EYS: variants seen among roughly 807,000 people sequenced by gnomAD.
The protein encoded by EYS is EGF-like photoreceptor maintenance factor.
A neutral mutation model predicts 282.1 loss-of-function variants in EYS; 250 were observed. The observed-to-expected ratio is 0.89, with a 90% CI of 0.80 to 0.98. The LOEUF is 0.98. EYS is among the 50% of genes least tolerant of loss of function. EYS has a pLI of 0.00. For synonymous variants in EYS, 1,355 were observed against 1,282.9 expected, an observed-to-expected ratio of 1.06 and a Z score of -1.20; for missense variants, 4,016 against 3,709.0, an observed-to-expected ratio of 1.08 and a Z score of -2.15.
rs190676220 is a variant in EYS, at chr6:65,408,129, G to T, written c.863-2762C>A. Among the ~76,000 whole-genome samples the T allele has an allele frequency of 1.2e-4, 18 of 151,890 alleles. No individual in the cohort carries two copies. In the East Asian group the frequency reaches 3.3e-3, roughly 28 times the overall value. Reference sequence around the variant, plus strand: ...GATATCAAACTTATCTTGAATCCTGGGGAAAAAATCGTACTTTATCAGGAT... The same window carrying T: ...GATATCAAACTTATCTTGAATCCTGTGGAAAAAATCGTACTTTATCAGGAT... On this transcript the variant is annotated intron_variant, in intron 5 of 42. Coordinates refer to ENST00000503581, the MANE Select transcript of EYS (RefSeq NM_001142800.2).
intron 13 of EYS, among the ~76,000 whole-genome samples, chr6:65,046,596 A>G (rs550893469): frequency 6.6e-6 from 1 of 151,930 alleles, no homozygotes; most frequent in Non-Finnish European, 1.5e-5. Flanking sequence ...GATTCCAAGA[A>G]TAATTTTTGA....
intron 13 of EYS, among the ~76,000 whole-genome samples, chr6:65,056,745 T>C (rs1303334363): frequency 3.3e-5 from 5 of 152,158 alleles, no homozygotes; most frequent in Admixed American, 3.3e-4. Flanking sequence ...ACATATTTGT[T>C]AGAACATTGT....
Position 64,513,824 on chromosome 6 carries a change from C to T in EYS, c.5645-74472G>A, listed in dbSNP as rs1035224706. On this transcript the variant is annotated intron_variant, in intron 26 of 42. Transcript: ENST00000503581. ...GAAGAAAAATTATAATTGTCAATGG[C>T]GGCCCAATCTTGTGGAACTTTAGAT... 6.6e-5 allele frequency among the ~76,000 whole-genome samples: 10 copies of T among 151,792 alleles called. 1 individual carries two copies. Among genetic ancestry groups the T allele is most frequent in the South Asian group, 4.2e-4 (2 of 4,818 alleles).
At chr6:63,825,047 C>T (rs940965775) in intron 36 of EYS, among the ~76,000 whole-genome samples, 19 of 152,126 alleles carry the variant, frequency 1.2e-4, no homozygotes, top group Non-Finnish European at 8.8e-5. Context: ...GGAATAGACT[C>T]GGGGCTGTTG....
chr6:65,188,764 CAA>C (rs777137794), intron 12 of EYS, among the ~76,000 whole-genome samples: 21 of 78,736 alleles, frequency 2.7e-4, no homozygotes, highest in Non-Finnish European at 3.3e-4. Context: ...TTATTGCATG[CAA>C]AAAAAAAAAA....
chr6:64,575,897 T>C (rs1243001968), intron 26 of EYS, among the ~76,000 whole-genome samples: 1 of 152,090 alleles, frequency 6.6e-6, no homozygotes, highest in Non-Finnish European at 1.5e-5. Context: ...GTGACAGCAA[T>C]TTATATAGAT....
intron 26 of EYS, among the ~76,000 whole-genome samples, chr6:64,563,526 A>G (rs752630980): frequency 4.6e-5 from 7 of 152,134 alleles, no homozygotes; most frequent in Non-Finnish European, 8.8e-5. Context: ...CACAGAGGGT[A>G]CTCATTATGT....
intron 5 of EYS, among the ~76,000 whole-genome samples, chr6:65,461,297 T>G (rs1764819136): frequency 6.6e-6 from 1 of 152,126 alleles, no homozygotes; most frequent in African/African-American, 2.4e-5. Flanking sequence ...TTTTTAGCAC[T>G]TTAGAGCCTA....
chr6:64,533,866 A>C (rs1764431449), intron 26 of EYS, among the ~76,000 whole-genome samples: 1 of 151,852 alleles, frequency 6.6e-6, no homozygotes, highest in Admixed American at 6.6e-5. Context: ...ACATAATTTT[A>C]AAGATGGTTG....
chr6:65,034,597 A>T (rs116088854), intron 13 of EYS, among the ~76,000 whole-genome samples: 1 of 152,100 alleles, frequency 6.6e-6, no homozygotes, highest in African/African-American at 2.4e-5. Flanking sequence ...TGCTTTTGCC[A>T]TGTGATATCC....
chr6:64,449,613 T>C (rs555515647), intron 26 of EYS, among the ~76,000 whole-genome samples: 2 of 152,222 alleles, frequency 1.3e-5, no homozygotes, highest in African/African-American at 4.8e-5. Flanking sequence ...AGAGAAAGGT[T>C]GGGTTACCTA....
Position 65,099,407 on chromosome 6 carries a change from A to G in EYS, c.2024-41680T>C, listed in dbSNP as rs1314215483. On this transcript the variant is annotated intron_variant, in intron 12 of 42. Transcript: ENST00000503581. ...ATAAACAGCAGGGAGTAAGAAAATC[A>G]TATTCTCTAATATCTGGCACATATT... is the stretch of plus-strand genomic sequence containing the variant. Among the ~76,000 whole-genome samples the G allele has an allele frequency of 2.0e-5, 3 of 150,814 alleles. No homozygotes were observed. In the East Asian group the frequency reaches 5.8e-4, roughly 29 times the overall value.
intron 18 of EYS, among the ~76,000 whole-genome samples, chr6:64,895,400 T>C (rs1306367875): frequency 1.3e-5 from 2 of 152,252 alleles, no homozygotes; most frequent in Non-Finnish European, 2.9e-5. Context: ...GATATCAATT[T>C]TTCTTAAATT....
chr6:65,258,500 G>C (rs1238144507), intron 12 of EYS, among the ~76,000 whole-genome samples: 1 of 152,046 alleles, frequency 6.6e-6, no homozygotes, highest in African/African-American at 2.4e-5. Flanking sequence ...GAGAAAAACT[G>C]TTTCCCTTTA....
chr6:64,676,608 A>G (rs1769695013), intron 22 of EYS, among the ~76,000 whole-genome samples: 1 of 152,102 alleles, frequency 6.6e-6, no homozygotes, highest in Non-Finnish European at 1.5e-5. Context: ...TTGTATATAT[A>G]TGTTGTCTTA....
At chr6:63,872,188 C>A (rs1349483128) in intron 35 of EYS, among the ~76,000 whole-genome samples, 1 of 152,106 alleles carries the variant, frequency 6.6e-6, no homozygotes, top group Non-Finnish European at 1.5e-5. Context: ...GGGTAGCTTC[C>A]CAGTGCATTT....
chr6:65,351,033 A>T (rs936721864), intron 9 of EYS, among the ~76,000 whole-genome samples: 1 of 151,812 alleles, frequency 6.6e-6, no homozygotes, highest in Non-Finnish European at 1.5e-5. Context: ...AATGGCAATT[A>T]TCAAAAGAAA....
At chr6:65,488,934 C>A (rs1385005185) in intron 5 of EYS, among the ~76,000 whole-genome samples, 1 of 152,096 alleles carries the variant, frequency 6.6e-6, no homozygotes, top group Non-Finnish European at 1.5e-5. Context: ...ATGCTGAAAA[C>A]TAAAACTGGA....
chr6:64,110,783 A>T (rs1773178839), intron 31 of EYS, among the ~76,000 whole-genome samples: 1 of 151,986 alleles, frequency 6.6e-6, no homozygotes, highest in South Asian at 2.1e-4. Flanking sequence ...AAGGAGTCTA[A>T]AAAAGGCAGA....
Sources: allele counts gnomAD v4.1 joint callset (sites outside exome capture counted in the v4.1 genomes callset), GRCh38; gene constraint gnomAD v4.1.1; transcripts MANE v1.5; gene names NCBI Gene and HGNC (gene_info 2026-07-23, HGNC 2026-07-21).